TBL1Y: variants seen among roughly 807,000 people sequenced by gnomAD.
The protein encoded by TBL1Y is transducin beta like 1 Y-linked.
Under a neutral mutation model 12.0 loss-of-function variants are expected in TBL1Y, and 15 were observed. That is an observed-to-expected ratio of 1.25 (90% CI 0.83 to 1.92). TBL1Y has a LOEUF of 1.92. Ranked by LOEUF, TBL1Y falls within the 40% of genes most tolerant of loss-of-function variation. The pLI, the probability that TBL1Y is intolerant of heterozygous loss-of-function variation, is 0.00. For missense variants in TBL1Y, 148 were observed against 116.7 expected, an observed-to-expected ratio of 1.27 and a Z score of -1.24; for synonymous variants, 53 against 42.6, an observed-to-expected ratio of 1.24 and a Z score of -0.95.
chrY:7,064,162 G>T lies in TBL1Y; in HGVS notation c.457+13G>T. The T allele has an allele frequency of 1.0e-5, 4 of 397,951 alleles. No individual in the cohort carries two copies. The South Asian group carries it at 1.2e-4, about 12-fold the overall frequency. ...GCACATGAAATCAGTGAGTGCGCAG[G>T]CTCTGGAAGTTTGGTGGGCCTCTCT... is the stretch of plus-strand genomic sequence containing the variant. On this transcript the variant is annotated intron_variant, in intron 8 of 18. Transcript: ENST00000383032.
intron 2 of TBL1Y, among the ~76,000 whole-genome samples, chrY:6,944,932 A>AT (rs2011974105): frequency 3.4e-5 from 1 of 29,164 alleles, no homozygotes; most frequent in Non-Finnish European, 8.4e-5. Flanking sequence ...TTTTCCTTTC[A>AT]TTTTTTTCTT....
At chrY:6,952,471 C>G in intron 2 of TBL1Y, among the ~76,000 whole-genome samples, 1 of 32,948 alleles carries the variant, frequency 3.0e-5, no homozygotes, top group African/African-American at 1.2e-4. Flanking sequence ...GGTTTAAAGT[C>G]TGTTTTATCA....
At chrY:7,069,246 A>G (rs2013007132) in intron 8 of TBL1Y, among the ~76,000 whole-genome samples, 1 of 33,632 alleles carries the variant, frequency 3.0e-5, no homozygotes, top group East Asian at 8.1e-4. Flanking sequence ...AACTTTCTAT[A>G]CAGGAACAGA....
chrY:7,079,483 A>G, intron 13 of TBL1Y, among the ~76,000 whole-genome samples: 1 of 33,730 alleles, frequency 3.0e-5, no homozygotes, highest in African/African-American at 1.2e-4. Flanking sequence ...CCAGATTTCT[A>G]GTTTCCATCC....
chrY:7,013,575 C>A (rs768061023), intron 4 of TBL1Y, among the ~76,000 whole-genome samples: 279 of 34,487 alleles, frequency 8.1e-3, no homozygotes, highest in African/African-American at 0.029. Context: ...GTTTTCTTTG[C>A]GACTCCAAGT....
chrY:6,939,554 C>T (rs746012957), intron 2 of TBL1Y, among the ~76,000 whole-genome samples: 2 of 32,697 alleles, frequency 6.1e-5, no homozygotes, highest in South Asian at 1.4e-3. Flanking sequence ...ACATGGGGAT[C>T]TTTGGGGGGC....
chrY:7,061,576 T>C (rs2124171769), intron 7 of TBL1Y, among the ~76,000 whole-genome samples: 1 of 32,210 alleles, frequency 3.1e-5, no homozygotes, highest in East Asian at 8.2e-4. Context: ...GTTGTTTCGC[T>C]TCCTCTACCA....
At chrY:6,947,873 T>C in intron 2 of TBL1Y, among the ~76,000 whole-genome samples, 1 of 33,711 alleles carries the variant, frequency 3.0e-5, no homozygotes. Context: ...AGCTATTCTT[T>C]AAAGGAGAAA....
intron 2 of TBL1Y, among the ~76,000 whole-genome samples, chrY:6,955,284 T>C: frequency 5.9e-5 from 2 of 33,762 alleles, no homozygotes; most frequent in South Asian, 1.3e-3. Context: ...GGACTATCTC[T>C]AATTTATAGT....
intron 7 of TBL1Y, among the ~76,000 whole-genome samples, chrY:7,060,277 C>T (rs2012852403): frequency 9.0e-5 from 3 of 33,183 alleles, no homozygotes; most frequent in Non-Finnish European, 7.4e-5. Context: ...TGTAGTTCCA[C>T]GTTTAGGAGT....
chrY:6,949,893 TA>T (rs2012012104), intron 2 of TBL1Y, among the ~76,000 whole-genome samples: 1 of 33,664 alleles, frequency 3.0e-5, no homozygotes, highest in African/African-American at 1.2e-4. Flanking sequence ...GAATTCCTTC[TA>T]AGCCTTTTGG....
intron 2 of TBL1Y, among the ~76,000 whole-genome samples, chrY:6,960,154 G>A (rs749753813): frequency 3.0e-5 from 1 of 33,386 alleles, no homozygotes; most frequent in Admixed American, 2.7e-4. Flanking sequence ...GTCAGTCCAT[G>A]GACACAGGGA....
At chrY:6,947,256 G>A in intron 2 of TBL1Y, among the ~76,000 whole-genome samples, 3 of 33,252 alleles carry the variant, frequency 9.0e-5, no homozygotes, top group African/African-American at 3.5e-4. Context: ...CCTGTGAAGA[G>A]AACATAGCCA....
intron 2 of TBL1Y, among the ~76,000 whole-genome samples, chrY:6,953,179 A>G (rs2012044199): frequency 3.1e-5 from 1 of 32,719 alleles, no homozygotes; most frequent in African/African-American, 1.2e-4. Context: ...CTTGAGGAGT[A>G]TCTTTGTGGC....
chrY:7,063,799 C>A, intron 7 of TBL1Y, 98 bp from the exon 8 acceptor site: 2 of 322,543 alleles, frequency 6.2e-6, no homozygotes, highest in Non-Finnish European at 9.2e-6. Flanking sequence ...GCTATTTATG[C>A]TCCACTTCCC....
At chrY:7,063,346 A>C in intron 7 of TBL1Y, among the ~76,000 whole-genome samples, 2 of 33,870 alleles carry the variant, frequency 5.9e-5, no homozygotes, top group Non-Finnish European at 1.5e-4. Context: ...AAGGGTTCTT[A>C]TCCCTGACGC....
intron 2 of TBL1Y, among the ~76,000 whole-genome samples, chrY:6,955,635 G>A: frequency 3.0e-5 from 1 of 33,886 alleles, no homozygotes; most frequent in Admixed American, 2.7e-4. Flanking sequence ...CAATCATTCT[G>A]TGGGATTTTG....
chrY:7,063,127 C>G (rs202116724), intron 7 of TBL1Y, among the ~76,000 whole-genome samples: 1 of 33,659 alleles, frequency 3.0e-5, no homozygotes, highest in East Asian at 7.9e-4. Flanking sequence ...TGACTTCTCA[C>G]CAGAGAGAGT....
chrY:7,081,528 G>T (rs2013099372), intron 14 of TBL1Y, among the ~76,000 whole-genome samples: 1 of 33,314 alleles, frequency 3.0e-5, no homozygotes, highest in Non-Finnish European at 7.4e-5. Flanking sequence ...TTAGTAGGTG[G>T]GTGTATTGGG....
Sources: gnomAD v4.1 joint callset for allele counts (sites outside exome capture counted in the v4.1 genomes callset) on GRCh38, gnomAD v4.1.1 for gene constraint, MANE v1.5 for transcripts, NCBI Gene and HGNC (gene_info 2026-07-23, HGNC 2026-07-21) for gene names.